Variants in ANXA4 observed in about 807,000 individuals in gnomAD.
The protein encoded by ANXA4 is annexin A4.
Under a neutral mutation model 49.8 loss-of-function variants are expected in ANXA4, and 39 were observed. The ratio of observed to expected loss-of-function variants is 0.78; its 90% confidence interval spans 0.61 to 1.02. The LOEUF (loss-of-function observed/expected upper bound fraction) is 1.02, where lower values mean the gene tolerates loss of function less well. ANXA4 is among the 50% of genes least tolerant of loss of function. ANXA4 has a pLI of 0.00. For missense variants in ANXA4, 360 were observed against 410.1 expected (o/e 0.88, Z 1.05); for synonymous variants, 134 against 152.5 (o/e 0.88, Z 0.89).
rs548238929 is a variant in ANXA4 at position 69,772,617 on chromosome 2, G to C, written c.-46-8903G>C. The stretch of plus-strand genomic sequence containing the variant: ...TTATTGAGGCCTTACCAGGTGCCAG[G>C]CTCTATGCTAATAAGCATTTGTGTA... On this transcript the variant is annotated intron_variant, in intron 1 of 12. Transcript: ENST00000394295. 2.0e-5 allele frequency among the ~76,000 whole-genome samples: 3 copies of C among 152,272 alleles called. No individual in the cohort carries two copies. In the East Asian group the frequency reaches 5.8e-4, roughly 29 times the overall value.
intron 11 of ANXA4, among the ~76,000 whole-genome samples, chr2:69,820,216 G>T (rs1403668721): frequency 1.3e-5 from 2 of 150,332 alleles, no homozygotes; most frequent in Non-Finnish European, 3.0e-5. Context: ...TCCAAACATT[G>T]TAGAAACACA....
chr2:69,747,741 C>A (rs11126244), intron 1 of ANXA4, among the ~76,000 whole-genome samples: 90,101 of 151,860 alleles, frequency 0.59, 27,897 homozygotes, highest in African/African-American at 0.75. Flanking sequence ...CCTGGAGTGC[C>A]CTGGTGTAAT....
At chr2:69,741,699 T>G (rs960158201), upstream of ANXA4, among the ~76,000 whole-genome samples, 41 of 152,232 alleles carry the variant, frequency 2.7e-4, no homozygotes, top group Admixed American at 2.6e-3. Flanking sequence ...GCCGCGGGAC[T>G]CCGGCTTGGC....
intron 3 of ANXA4, among the ~76,000 whole-genome samples, chr2:69,732,680 C>T (rs549373257): frequency 1.1e-4 from 16 of 152,174 alleles, no homozygotes; most frequent in African/African-American, 2.6e-4. Flanking sequence ...ATCACATGAA[C>T]CCAGGAGGCG....
intron 2 of ANXA4, among the ~76,000 whole-genome samples, chr2:69,711,843 T>G (rs1241129382): frequency 6.6e-6 from 1 of 151,432 alleles, no homozygotes; most frequent in African/African-American, 2.4e-5. Flanking sequence ...TTTCTGGTTT[T>G]GGAAGTGTTA....
intron 2 of ANXA4, among the ~76,000 whole-genome samples, chr2:69,689,801 C>T (rs901705278): frequency 6.6e-6 from 1 of 152,112 alleles, no homozygotes; most frequent in African/African-American, 2.4e-5. Flanking sequence ...TTACAAATTT[C>T]TAAAGTCAAA....
rs1324597223 is a variant in ANXA4, at chr2:69,656,321, ATG to A, written n.766+3041_766+3042del. Among the ~76,000 whole-genome samples the A allele has an allele frequency of 0.015, 1,452 of 98,772 alleles. 193 individuals carry two copies. The East Asian group carries it at 0.17, about 12-fold the overall frequency. The allele number at this position is 98,772 out of a possible 152,430, so 64.8% of individuals were successfully genotyped here. On this transcript the variant is annotated intron_variant and non_coding_transcript_variant, in intron 2 of 3. Coordinates refer to the ANXA4 transcript ENST00000418066. Reference sequence around the variant, plus strand: ...TATATATATGTATATATGTATATATATGTATATATATGTGTATATATATGTGT... The same window carrying A: ...TATATATATGTATATATGTATATATATATATATATGTGTATATATATGTGT...
At chr2:69,702,859 T>C (rs1191906414) in intron 2 of ANXA4, among the ~76,000 whole-genome samples, 2 of 152,222 alleles carry the variant, frequency 1.3e-5, no homozygotes, top group East Asian at 3.8e-4. Flanking sequence ...TATAAAACTG[T>C]TCATTTCTAA....
intron 3 of ANXA4, among the ~76,000 whole-genome samples, chr2:69,736,600 G>C (rs962131631): frequency 6.6e-6 from 1 of 151,668 alleles, no homozygotes; most frequent in Admixed American, 6.6e-5. Context: ...CCTTTTTTTA[G>C]AAAAAAGTTT....
At chr2:69,699,806 A>G (rs1678271122) in intron 2 of ANXA4, among the ~76,000 whole-genome samples, 2 of 152,314 alleles carry the variant, frequency 1.3e-5, no homozygotes, top group South Asian at 2.1e-4. Flanking sequence ...TGAGGCTTTC[A>G]AGGGAAGAGG....
upstream of ANXA4, among the ~76,000 whole-genome samples, chr2:69,739,631 C>G (rs1199770030): frequency 6.6e-6 from 1 of 151,740 alleles, no homozygotes; most frequent in African/African-American, 2.4e-5. Context: ...ATTATGTTGC[C>G]CAGGCTGATC....
At chr2:69,775,516 C>T (rs1458811084) in intron 1 of ANXA4, among the ~76,000 whole-genome samples, 1 of 152,168 alleles carries the variant, frequency 6.6e-6, no homozygotes, top group African/African-American at 2.4e-5. Flanking sequence ...GAGCAATCAC[C>T]ATACATAGCA....
intron 2 of ANXA4, among the ~76,000 whole-genome samples, chr2:69,656,381 ATATATATG>A (rs1676487303): frequency 1.0e-4 from 8 of 76,958 alleles, no homozygotes; most frequent in African/African-American, 2.5e-4. Flanking sequence ...ATATATGTGT[ATATATATG>A]TGTATATATA....
intron 2 of ANXA4, among the ~76,000 whole-genome samples, chr2:69,715,312 C>A (rs1286654833): frequency 6.6e-6 from 1 of 152,132 alleles, no homozygotes; most frequent in South Asian, 2.1e-4. Flanking sequence ...TGGGTTCAAG[C>A]GATTCTCACC....
chr2:69,643,848 G>A (rs554538805), upstream of ANXA4: 2 of 1,180,258 alleles, frequency 1.7e-6, no homozygotes, highest in Admixed American at 4.6e-5. Context: ...AGGGACCGGG[G>A]CCTCTCCTGC....
intron 3 of ANXA4, 84 bp from the exon 4 acceptor site, chr2:69,804,449 G>T: frequency 8.1e-7 from 1 of 1,239,444 alleles, no homozygotes. Flanking sequence ...CATGTGTTTG[G>T]GTAACTCCAA....
chr2:69,812,121 C>CTT lies in ANXA4; in HGVS notation c.478-515_478-514dup, dbSNP rs1327532159. On this transcript the variant is annotated intron_variant, in intron 7 of 12. Transcript: ENST00000394295. ...TCTCCTCTGTTCCCAACCTCCCCACCTTTTTTTTTTTTTTTTTTAAGATTC... is the reference window on the plus strand; with the variant it reads ...TCTCCTCTGTTCCCAACCTCCCCACCTTTTTTTTTTTTTTTTTTTTAAGATTC... Among the ~76,000 whole-genome samples the CTT allele has an allele frequency of 4.0e-3, 552 of 138,350 alleles. 6 individuals carry two copies. Among genetic ancestry groups the CTT allele is most frequent in the African/African-American group, 0.013 (474 of 36,488 alleles). The allele number at this position is 138,350 out of a possible 152,430, so 90.8% of individuals were successfully genotyped here. A position where few individuals can be genotyped will look rare whatever the true frequency, so the allele number is the denominator to read the frequency against.
At chr2:69,780,315 C>T (rs1257433320) in intron 1 of ANXA4, among the ~76,000 whole-genome samples, 2 of 152,192 alleles carry the variant, frequency 1.3e-5, no homozygotes, top group African/African-American at 2.4e-5. Flanking sequence ...CTGCCTCAGC[C>T]TCCCAAGTAT....
Position 69,678,476 on chromosome 2 carries a change from C to A in ANXA4, n.766+25194C>A, listed in dbSNP as rs1481490784. On this transcript the variant is annotated intron_variant and non_coding_transcript_variant, in intron 2 of 3. Transcript: ENST00000418066. ...TGGTGCCATCATGACTCACTGCAGC[C>A]TCAACCTCCTGGGCTCAGGAGATAC... Among the ~76,000 whole-genome samples the A allele has an allele frequency of 3.3e-5, 5 of 149,972 alleles. 1 individual carries two copies. The highest frequency in any genetic ancestry group is 7.4e-5 in the Non-Finnish European group (5 of 67,692).
Sources: allele counts gnomAD v4.1 joint callset (sites outside exome capture counted in the v4.1 genomes callset), GRCh38; gene constraint gnomAD v4.1.1; transcripts MANE v1.5; gene names NCBI Gene and HGNC (gene_info 2026-07-23, HGNC 2026-07-21).